Variants in PTPRG observed in about 807,000 individuals in gnomAD.
PTPRG encodes the protein receptor-type tyrosine-protein phosphatase gamma.
In PTPRG, 102 loss-of-function variants were observed where a neutral mutation model predicts 165.3. That is an observed-to-expected ratio of 0.62 (90% CI 0.53 to 0.73). The LOEUF (loss-of-function observed/expected upper bound fraction) is 0.73. PTPRG is among the 30% of genes least tolerant of loss of function. The probability of loss-of-function intolerance (pLI) is 0.00; values close to 1 mark genes in which losing one functional copy is unlikely to be tolerated. For synonymous variants in PTPRG, 675 were observed against 669.5 expected, an observed-to-expected ratio of 1.01 and a Z score of -0.13; for missense variants, 1,866 against 1,861.4, an observed-to-expected ratio of 1.00 and a Z score of -0.05.
intron 4 of PTPRG, among the ~76,000 whole-genome samples, chr3:62,062,629 A>G (rs1239728635): frequency 6.6e-6 from 1 of 152,194 alleles, no homozygotes; most frequent in Non-Finnish European, 1.5e-5. Context: ...TATACTAATG[A>G]TGAGTAAGAA....
chr3:62,155,743 C>G (rs1296974680), intron 6 of PTPRG, among the ~76,000 whole-genome samples: 1 of 152,170 alleles, frequency 6.6e-6, no homozygotes, highest in Non-Finnish European at 1.5e-5. Context: ...ACACAGACTT[C>G]TCGAGTCTGG....
At chr3:62,279,638 G>C (rs867517751) in intron 26 of PTPRG, among the ~76,000 whole-genome samples, 1 of 151,952 alleles carries the variant, frequency 6.6e-6, no homozygotes, top group East Asian at 1.9e-4. Flanking sequence ...TAAAACCCAC[G>C]ACAGTTACAG....
At chr3:62,130,181 T>C (rs1390289110) in intron 5 of PTPRG, among the ~76,000 whole-genome samples, 1 of 152,188 alleles carries the variant, frequency 6.6e-6, no homozygotes, top group African/African-American at 2.4e-5. Context: ...ATGGACTCAC[T>C]CACCTGTCTG....
At chr3:62,039,101 A>C (rs1269385949) in intron 4 of PTPRG, among the ~76,000 whole-genome samples, 1 of 151,934 alleles carries the variant, frequency 6.6e-6, no homozygotes, top group East Asian at 1.9e-4. Context: ...TGCCTGACTA[A>C]TTTTTGTATT....
chr3:61,672,891 G>C (rs1005072708), intron 1 of PTPRG, among the ~76,000 whole-genome samples: 1 of 151,796 alleles, frequency 6.6e-6, no homozygotes, highest in Non-Finnish European at 1.5e-5. Flanking sequence ...CGGTGTGGGG[G>C]CACAACACCT....
At chr3:61,719,057 C>A (rs2031940142) in intron 1 of PTPRG, among the ~76,000 whole-genome samples, 1 of 152,122 alleles carries the variant, frequency 6.6e-6, no homozygotes. Context: ...ATTCCCAAAC[C>A]TCATTTTAGG....
chr3:62,203,859 T>A lies in PTPRG; in HGVS notation c.2064T>A (p.Ser688Arg). The A allele has an allele frequency of 1.2e-6, 2 of 1,613,750 alleles. No homozygotes were observed. The highest frequency in any genetic ancestry group is 1.7e-6 in the Non-Finnish European group (2 of 1,179,866). Residue 688 changes from serine to arginine, a missense_variant, in exon 12 of 30, where the codon AGT (serine) becomes AGA (arginine). Ser to Arg is a moderately radical substitution (Grantham distance 110). Around this residue, in one of 3 missense-constraint regions of PTPRG, gnomAD observed 1,452 missense variants for 1,463.0 expected, o/e 0.99. Transcript: ENST00000474889. The surrounding 1 kb of genome is among the most constrained non-coding windows in gnomAD (Gnocchi z 6.4). The stretch of plus-strand genomic sequence containing the variant: ...CCACAGAGGAGCAGTATGCAGGGAG[T>A]GATCCCAAGAGGCCCGAAATGCCAT... ...PTATEEQYAG[S>R]DPKRPEMPSK...
chr3:62,277,647 A>T lies in PTPRG; in HGVS notation c.3733A>T (p.Ile1245Phe), dbSNP rs781715107. Residue 1245 changes from isoleucine to phenylalanine, a missense_variant, in exon 26 of 30, where the codon ATC (isoleucine) becomes TTC (phenylalanine). Around this residue, in one of 3 missense-constraint regions of PTPRG, gnomAD observed 1,452 missense variants for 1,463.0 expected, o/e 0.99. Coordinates refer to ENST00000474889, the MANE Select transcript of PTPRG (RefSeq NM_002841.4). ...AATGATTTGGGATCATAACGCACAG[A>T]TCATTGTCATGCTGCCAGACAACCA... is the stretch of plus-strand genomic sequence containing the variant. ...WRMIWDHNAQ[I>F]IVMLPDNQSL... 1.2e-6 allele frequency: 2 copies of T among 1,612,800 alleles called. No individual in the cohort carries two copies. Among genetic ancestry groups the T allele is most frequent in the Non-Finnish European group, 1.7e-6 (2 of 1,179,304 alleles).
At chr3:62,236,634 G>A (rs1338611420) in intron 14 of PTPRG, among the ~76,000 whole-genome samples, 1 of 152,330 alleles carries the variant, frequency 6.6e-6, no homozygotes, top group South Asian at 2.1e-4. Flanking sequence ...GCTACACACT[G>A]CTAATAAACT....
At chr3:61,743,312 C>T (rs141076170) in intron 1 of PTPRG, among the ~76,000 whole-genome samples, 2 of 152,154 alleles carry the variant, frequency 1.3e-5, no homozygotes, top group Non-Finnish European at 2.9e-5. Context: ...CTGAGTGAGA[C>T]GTAAGCATCA....
chr3:62,267,937 G>A (rs1701937468), intron 19 of PTPRG, 118 bp downstream of exon 19: 1 of 1,176,234 alleles, frequency 8.5e-7, no homozygotes, highest in African/African-American at 1.5e-5. Flanking sequence ...AATGAAAAGT[G>A]TTCTCTCTGC....
At chr3:62,260,681 G>A (rs1325630024) in intron 16 of PTPRG, among the ~76,000 whole-genome samples, 1 of 152,006 alleles carries the variant, frequency 6.6e-6, no homozygotes, top group Non-Finnish European at 1.5e-5. Context: ...CTCTTTAAAG[G>A]GTTTTTAACA....
chr3:61,873,996 A>C (rs1033224399), intron 2 of PTPRG, among the ~76,000 whole-genome samples: 11 of 152,152 alleles, frequency 7.2e-5, no homozygotes, highest in Non-Finnish European at 1.0e-4. Flanking sequence ...ACACAGAATA[A>C]ATGTTAGCTG....
At chr3:61,957,464 G>A (rs2107636042) in intron 2 of PTPRG, among the ~76,000 whole-genome samples, 1 of 152,336 alleles carries the variant, frequency 6.6e-6, no homozygotes, top group Admixed American at 6.5e-5. Context: ...GCTGTATAAT[G>A]TACTCCACAA....
chr3:61,658,163 C>T (rs74912480), intron 1 of PTPRG, among the ~76,000 whole-genome samples: 1,917 of 152,204 alleles, frequency 0.013, 21 homozygotes, highest in Non-Finnish European at 0.018. Context: ...ACATATTTGA[C>T]GGTTTGGTTG....
At chr3:61,837,114 TA>T (rs1432059386) in intron 2 of PTPRG, among the ~76,000 whole-genome samples, 2 of 152,204 alleles carry the variant, frequency 1.3e-5, no homozygotes, top group Non-Finnish European at 2.9e-5. Context: ...GGTTTTATCA[TA>T]TTGGCCACTC....
intron 2 of PTPRG, among the ~76,000 whole-genome samples, chr3:61,868,997 G>C (rs1224855522): frequency 6.6e-6 from 1 of 151,914 alleles, no homozygotes; most frequent in Non-Finnish European, 1.5e-5. Flanking sequence ...AGTGAGTCTG[G>C]TCTTCTCCAT....
intron 1 of PTPRG, among the ~76,000 whole-genome samples, chr3:61,577,191 G>A (rs1700190396): frequency 6.6e-6 from 1 of 152,170 alleles, no homozygotes; most frequent in African/African-American, 2.4e-5. Context: ...TAAGGAAATT[G>A]AAGAGTAGGC....
chr3:61,940,544 G>C (rs2039595543), intron 2 of PTPRG, among the ~76,000 whole-genome samples: 1 of 152,090 alleles, frequency 6.6e-6, no homozygotes. Context: ...CATGTGCTCT[G>C]TGTGTCTTGT....
Sources: gnomAD v4.1 joint callset for allele counts (sites outside exome capture counted in the v4.1 genomes callset) on GRCh38, gnomAD v4.1.1 for gene constraint, gnomAD v4.1.1 regional missense constraint, Gnocchi (gnomAD v3.1) non-coding constraint, MANE v1.5 for transcripts, NCBI Gene and HGNC (gene_info 2026-07-23, HGNC 2026-07-21) for gene names.